MINDY4: variants seen among roughly 807,000 people sequenced by gnomAD.
MINDY4 encodes MINDY lysine 48 deubiquitinase 4.
MINDY4 carries 68 observed loss-of-function variants against 87.0 expected under a neutral mutation model. The ratio of observed to expected loss-of-function variants is 0.78; its 90% CI spans 0.64 to 0.96. MINDY4 has a LOEUF of 0.96. Among genes scored for constraint, MINDY4 ranks in the 40% least tolerant of loss-of-function variants. The pLI is 0.00. For synonymous variants in MINDY4, 379 were observed against 363.2 expected (o/e 1.04, Z -0.50); for missense variants, 919 against 928.2 (o/e 0.99, Z 0.13).
intron 5 of MINDY4, among the ~76,000 whole-genome samples, chr7:30,813,258 T>G (rs1343935998): frequency 6.6e-6 from 1 of 152,238 alleles, no homozygotes; most frequent in South Asian, 2.1e-4. Flanking sequence ...CTTCGATTTT[T>G]TCTTTTCTAC....
intron 13 of MINDY4, among the ~76,000 whole-genome samples, chr7:30,868,753 G>C (rs897814417): frequency 6.6e-6 from 1 of 152,226 alleles, no homozygotes; most frequent in Non-Finnish European, 1.5e-5. Context: ...TTTGGTCCTT[G>C]CTGGCATCCT....
intron 9 of MINDY4, among the ~76,000 whole-genome samples, chr7:30,848,815 C>G (rs527402018): frequency 6.6e-6 from 1 of 152,292 alleles, no homozygotes; most frequent in South Asian, 2.1e-4. Context: ...GAAGGATTTC[C>G]AGTGTCAGAG....
At chr7:30,794,798 C>T (rs955838133) in intron 5 of MINDY4, among the ~76,000 whole-genome samples, 6 of 152,256 alleles carry the variant, frequency 3.9e-5, no homozygotes, top group Middle Eastern at 3.4e-3. Flanking sequence ...CACCATCACT[C>T]AGAACCATGG....
chr7:30,786,730 A>G (rs965345746), intron 4 of MINDY4: 1 of 136,520 alleles, frequency 7.3e-6, no homozygotes, highest in African/African-American at 2.7e-5. Context: ...AGTTTCATTT[A>G]TTCTGCTTTT....
intron 9 of MINDY4, among the ~76,000 whole-genome samples, chr7:30,842,471 G>T (rs1404393521): frequency 6.6e-6 from 1 of 152,204 alleles, no homozygotes; most frequent in Non-Finnish European, 1.5e-5. Context: ...CCCTCAGAGG[G>T]TACAGGGATA....
chr7:30,789,411 A>T (rs1362129733), intron 4 of MINDY4, among the ~76,000 whole-genome samples: 1 of 152,224 alleles, frequency 6.6e-6, no homozygotes, highest in Non-Finnish European at 1.5e-5. Context: ...TAGAAGGGAC[A>T]TTGTGGCCTT....
intron 5 of MINDY4, among the ~76,000 whole-genome samples, chr7:30,819,194 C>G (rs1788249467): frequency 6.6e-6 from 1 of 152,122 alleles, no homozygotes. Context: ...ATACACTGCC[C>G]TCTCCATATT....
chr7:30,870,966 G>A (rs915839530), intron 13 of MINDY4, among the ~76,000 whole-genome samples: 2 of 150,850 alleles, frequency 1.3e-5, no homozygotes, highest in African/African-American at 4.9e-5. Flanking sequence ...AGAGTCAAGT[G>A]TGCCTCTCAG....
Position 30,782,142 on chromosome 7 carries a change from G to T in MINDY4, c.349G>T (p.Val117Leu), listed in dbSNP as rs750762230. 1.2e-6 allele frequency: 2 copies of T among 1,613,926 alleles called. No homozygotes were observed. Among genetic ancestry groups the T allele is most frequent in the African/African-American group, 2.7e-5 (2 of 74,898 alleles). Residue 117 changes from valine (V) to leucine (L), a missense_variant, in exon 3 of 18, where the codon GTA becomes TTA. Coordinates refer to ENST00000265299, the MANE Select transcript of MINDY4 (RefSeq NM_032222.3). ...VPSRCSETTL[V>L]NIYDLSDEDA... is the part of the protein sequence containing the mutation. ...ATCAAGATGCTCAGAGACTACACTG[G>T]TAAATATATATGACCTTTCAGATGA...
At position 30,892,074 on chromosome 7, in the gene MINDY4, C is replaced by T. The variant is rs965072178; in HGVS notation, c.*69C>T. ...CATCACCGAGGATGACAGCTGAACCCCAAGCCTCTGGGGCAGGTCTCATGT... is the reference window on the plus strand; with the variant it reads ...CATCACCGAGGATGACAGCTGAACCTCAAGCCTCTGGGGCAGGTCTCATGT... On this transcript the variant is annotated 3_prime_UTR_variant, in exon 18 of 18. Coordinates refer to ENST00000265299, the MANE Select transcript of MINDY4 (RefSeq NM_032222.3). 6.4e-6 allele frequency: 10 copies of T among 1,567,164 alleles called. No individual in the cohort carries two copies. Among genetic ancestry groups the T allele is most frequent in the Non-Finnish European group, 8.8e-6 (10 of 1,137,620 alleles).
intron 5 of MINDY4, among the ~76,000 whole-genome samples, chr7:30,797,392 T>A (rs1787521448): frequency 6.6e-6 from 1 of 152,152 alleles, no homozygotes; most frequent in African/African-American, 2.4e-5. Context: ...GGGACAGAGC[T>A]GCTATTTTAT....
At chr7:30,850,296 C>G (rs1488583255) in intron 9 of MINDY4, among the ~76,000 whole-genome samples, 158 bp from the exon 10 acceptor site, 1 of 152,248 alleles carries the variant, frequency 6.6e-6, no homozygotes, top group Admixed American at 6.5e-5. Context: ...CTTTCCTGGG[C>G]TTTGCCTTGG....
intron 4 of MINDY4, 102 bp from the exon 5 acceptor site, chr7:30,791,063 C>G (rs1265342192): frequency 1.9e-5 from 22 of 1,154,998 alleles, no homozygotes; most frequent in Non-Finnish European, 2.7e-5. Context: ...AAAAGACATT[C>G]CTGGGAGAGA....
chr7:30,851,839 A>T (rs1789423783), intron 10 of MINDY4, among the ~76,000 whole-genome samples: 1 of 152,222 alleles, frequency 6.6e-6, no homozygotes, highest in African/African-American at 2.4e-5. Flanking sequence ...GAGAGGATGG[A>T]GGTGGAGTTC....
intron 5 of MINDY4, among the ~76,000 whole-genome samples, chr7:30,799,167 G>C (rs1787579350): frequency 6.6e-6 from 1 of 151,984 alleles, no homozygotes; most frequent in Non-Finnish European, 1.5e-5. Flanking sequence ...TAAATGAAGG[G>C]GTAGGATGGG....
At chr7:30,876,041 G>A (rs964108014) in intron 15 of MINDY4, among the ~76,000 whole-genome samples, 2 of 152,142 alleles carry the variant, frequency 1.3e-5, no homozygotes, top group African/African-American at 4.8e-5. Flanking sequence ...CAGACTGGGT[G>A]GCTTGAAACA....
At chr7:30,849,230 A>C (rs1789321453) in intron 9 of MINDY4, among the ~76,000 whole-genome samples, 2 of 152,320 alleles carry the variant, frequency 1.3e-5, no homozygotes, top group African/African-American at 4.8e-5. Flanking sequence ...CTTCCTCCCC[A>C]GCACAGTTCC....
intron 5 of MINDY4, among the ~76,000 whole-genome samples, chr7:30,812,273 G>C (rs908098174): frequency 2.6e-4 from 22 of 84,140 alleles, no homozygotes; most frequent in Admixed American, 1.6e-3. Flanking sequence ...GTGTGTTGAG[G>C]GGGGGGGGGT....
chr7:30,837,241 G>C (rs1487147294), intron 7 of MINDY4, among the ~76,000 whole-genome samples: 1 of 152,270 alleles, frequency 6.6e-6, no homozygotes, highest in African/African-American at 2.4e-5. Flanking sequence ...CCAGGAGCAG[G>C]TTCCTGGCCA....
Sources: allele counts gnomAD v4.1 joint callset (sites outside exome capture counted in the v4.1 genomes callset), GRCh38; gene constraint gnomAD v4.1.1; transcripts MANE v1.5; gene names NCBI Gene and HGNC (gene_info 2026-07-23, HGNC 2026-07-21).